Variants in CFAP299 observed in about 807,000 individuals in gnomAD.
The protein encoded by CFAP299 is cilia- and flagella-associated protein 299.
In CFAP299, 21 loss-of-function variants were observed where a neutral mutation model predicts 27.0. That is an observed-to-expected ratio of 0.78 (90% CI 0.55 to 1.12). The LOEUF (loss-of-function observed/expected upper bound fraction) is 1.12, where lower values mean the gene tolerates loss of function less well. Among genes scored for constraint, CFAP299 ranks in the 50% most tolerant of loss-of-function variants. The pLI, the probability that CFAP299 is intolerant of heterozygous loss-of-function variation, is 0.00. For synonymous variants in CFAP299, 104 were observed against 98.1 expected (o/e 1.06, Z -0.36); for missense variants, 310 against 276.6 (o/e 1.12, Z -0.86).
intron 4 of CFAP299, among the ~76,000 whole-genome samples, chr4:80,892,486 C>A (rs926388204): frequency 5.9e-5 from 9 of 151,822 alleles, no homozygotes; most frequent in Non-Finnish European, 1.0e-4. Flanking sequence ...CACAGGCAAC[C>A]AAAACAAAAA....
intron 3 of CFAP299, among the ~76,000 whole-genome samples, chr4:80,793,928 TTG>T (rs1470713913): frequency 3.3e-5 from 5 of 152,078 alleles, no homozygotes; most frequent in African/African-American, 9.7e-5. Context: ...CCTCAGAAAG[TTG>T]TGTTATTTTT....
chr4:80,903,022 T>C (rs1560470071), intron 4 of CFAP299, among the ~76,000 whole-genome samples: 1 of 152,160 alleles, frequency 6.6e-6, no homozygotes, highest in South Asian at 2.1e-4. Context: ...TATAATTTGC[T>C]AGATTCTTAG....
chr4:80,757,769 A>G (rs1725323645), intron 3 of CFAP299, among the ~76,000 whole-genome samples: 1 of 152,016 alleles, frequency 6.6e-6, no homozygotes, highest in South Asian at 2.1e-4. Flanking sequence ...TTTGAACTAA[A>G]TGGGTACTTC....
chr4:80,324,930 C>T, the CFAP299 span, among the ~76,000 whole-genome samples: 1 of 152,120 alleles, frequency 6.6e-6, no homozygotes, highest in Non-Finnish European at 1.5e-5. Flanking sequence ...TGAGACCAGC[C>T]TGGCCAACAT....
At chr4:80,405,865 T>C (rs981920418) in intron 2 of CFAP299, among the ~76,000 whole-genome samples, 1 of 152,162 alleles carries the variant, frequency 6.6e-6, no homozygotes, top group African/African-American at 2.4e-5. Context: ...CAGAGTCCCT[T>C]TTCAGCTCCT....
chr4:80,739,765 A>AG (rs567596409), intron 3 of CFAP299, among the ~76,000 whole-genome samples: 136 of 151,942 alleles, frequency 9.0e-4, no homozygotes, highest in Middle Eastern at 3.4e-3. Flanking sequence ...TTAAAAAAAA[A>AG]CTTTCTACCC....
At chr4:80,631,719 TTA>T (rs1739212337) in intron 3 of CFAP299, among the ~76,000 whole-genome samples, 2 of 152,300 alleles carry the variant, frequency 1.3e-5, no homozygotes, top group South Asian at 4.1e-4. Context: ...CTTTTTCTTT[TTA>T]ATCTATGTCA....
At chr4:80,614,620 AGAAATT>A (rs1482847958) in intron 3 of CFAP299, among the ~76,000 whole-genome samples, 2 of 152,330 alleles carry the variant, frequency 1.3e-5, no homozygotes, top group South Asian at 2.1e-4. Flanking sequence ...TGGTTGACAG[AGAAATT>A]AGAAGACTTG....
At chr4:80,325,231 C>T in the CFAP299 span, among the ~76,000 whole-genome samples, 2 of 152,166 alleles carry the variant, frequency 1.3e-5, no homozygotes, top group Non-Finnish European at 2.9e-5. Flanking sequence ...TGTGTTGTGT[C>T]TATTAAATAA....
At chr4:80,589,018 T>G (rs1736590903) in intron 3 of CFAP299, among the ~76,000 whole-genome samples, 1 of 152,202 alleles carries the variant, frequency 6.6e-6, no homozygotes, top group African/African-American at 2.4e-5. Context: ...TTAACCAGTA[T>G]GCAAATGAAC....
chr4:80,432,641 C>T (rs1264367488), intron 2 of CFAP299, among the ~76,000 whole-genome samples: 2 of 148,342 alleles, frequency 1.3e-5, no homozygotes, highest in Admixed American at 6.9e-5. Flanking sequence ...AACACCATTC[C>T]CCTGCCTCAG....
intron 3 of CFAP299, among the ~76,000 whole-genome samples, chr4:80,688,656 G>A (rs1471368433): frequency 4.6e-5 from 7 of 152,218 alleles, no homozygotes; most frequent in African/African-American, 7.2e-5. Flanking sequence ...CCAAAGGAAC[G>A]CAGTTCCTCA....
At chr4:80,604,373 A>T (rs1737525574) in intron 3 of CFAP299, among the ~76,000 whole-genome samples, 1 of 152,096 alleles carries the variant, frequency 6.6e-6, no homozygotes, top group Non-Finnish European at 1.5e-5. Context: ...AGATAATTGG[A>T]AGTGTATGTG....
chr4:80,322,252 A>G, the CFAP299 span, among the ~76,000 whole-genome samples: 1 of 152,220 alleles, frequency 6.6e-6, no homozygotes, highest in East Asian at 1.9e-4. Flanking sequence ...GAGCTGCTAA[A>G]TGCATATCCT....
At chr4:80,436,012 T>A (rs1254976557) in intron 2 of CFAP299, among the ~76,000 whole-genome samples, 1 of 152,166 alleles carries the variant, frequency 6.6e-6, no homozygotes, top group African/African-American at 2.4e-5. Flanking sequence ...ATTGATGAGA[T>A]TTGGAAGTTT....
At chr4:80,567,670 G>A (rs1735370074) in intron 2 of CFAP299, among the ~76,000 whole-genome samples, 1 of 151,588 alleles carries the variant, frequency 6.6e-6, no homozygotes, top group Non-Finnish European at 1.5e-5. Context: ...AGCTGAAATT[G>A]TTCACTGGTT....
At chr4:80,585,905 C>G (rs1222658404) in intron 3 of CFAP299, among the ~76,000 whole-genome samples, 1 of 152,036 alleles carries the variant, frequency 6.6e-6, no homozygotes, top group Admixed American at 6.6e-5. Context: ...ATCTGGAAAC[C>G]ATGTGCTTGT....
intron 4 of CFAP299, among the ~76,000 whole-genome samples, chr4:80,924,722 A>T (rs1736222495): frequency 6.6e-6 from 1 of 151,306 alleles, no homozygotes; most frequent in Admixed American, 6.6e-5. Context: ...ATAGATGAGA[A>T]TGCTTATCTC....
intron 2 of CFAP299, among the ~76,000 whole-genome samples, chr4:80,383,335 A>C (rs1278755833): frequency 6.6e-6 from 1 of 150,844 alleles, no homozygotes; most frequent in Non-Finnish European, 1.5e-5. Context: ...CCAGAATATA[A>C]AATGAAAGTT....
Sources: gnomAD v4.1 joint callset for allele counts (sites outside exome capture counted in the v4.1 genomes callset) on GRCh38, gnomAD v4.1.1 for gene constraint, MANE v1.5 for transcripts, NCBI Gene and HGNC (gene_info 2026-07-23, HGNC 2026-07-21) for gene names.